Variants in ZNF236 observed in about 807,000 individuals in gnomAD.
The protein encoded by ZNF236 is regulated by glucose.
In ZNF236, 50 loss-of-function variants were observed where a neutral mutation model predicts 191.2. The ratio of observed to expected loss-of-function variants is 0.26; its 90% CI spans 0.21 to 0.33. ZNF236 has a LOEUF of 0.33. Ranked by LOEUF, ZNF236 falls within the 10% of genes least tolerant of loss-of-function variation. The pLI, the probability that ZNF236 is intolerant of heterozygous loss-of-function variation, is 1.00. For synonymous variants in ZNF236, 907 were observed against 928.8 expected, an observed-to-expected ratio of 0.98 and a Z score of 0.43; for missense variants, 1,754 against 2,374.5, an observed-to-expected ratio of 0.74 and a Z score of 5.43.
chr18:76,908,626 C>G (rs757283550), intron 14 of ZNF236, 53 bp downstream of exon 14: 31 of 1,553,980 alleles, frequency 2.0e-5, no homozygotes, highest in Non-Finnish European at 2.5e-5. Flanking sequence ...GTTTTGCAGC[C>G]TTTCCCACTC....
chr18:76,927,280 G>A lies in ZNF236; in HGVS notation c.4177G>A (p.Asp1393Asn). 6.2e-7 allele frequency: 1 copy of A among 1,614,094 alleles called. No homozygotes were observed. The change falls in exon 24 of 31, where the codon GAT becomes AAT. Residue 1393 changes from aspartate to asparagine, a missense_variant. Around this residue, in one of 5 missense-constraint regions of ZNF236, gnomAD observed 606 missense variants for 761.5 expected, o/e 0.80. Transcript: ENST00000320610. This position sits in a 1 kb window ranked among gnomAD's most constrained non-coding sequence, Gnocchi z 5.4. ...AAGTACCTGTGCTGCTTTTCAGATTGATCCAAGCATTCTGCAGCAGACGCT... is the reference window on the plus strand; with the variant it reads ...AAGTACCTGTGCTGCTTTTCAGATTAATCCAAGCATTCTGCAGCAGACGCT... The part of the protein sequence containing the change: ...ASINNITLQI[D>N]PSILQQTLQQ...
chr18:76,912,419 G>C, intron 17 of ZNF236, 72 bp downstream of exon 17: 1 of 1,013,676 alleles, frequency 9.9e-7, no homozygotes, highest in Non-Finnish European at 1.5e-6. Context: ...TGTTTGCCCC[G>C]CTCCAAGGGC....
chr18:76,865,034 C>T (rs143934883), intron 3 of ZNF236, among the ~76,000 whole-genome samples: 84 of 152,180 alleles, frequency 5.5e-4, no homozygotes, highest in African/African-American at 1.5e-3. Context: ...AATGTAAGTA[C>T]GTGAATTAAA....
At chr18:76,920,409 G>A (rs1967501813) in intron 20 of ZNF236, among the ~76,000 whole-genome samples, 2 of 151,870 alleles carry the variant, frequency 1.3e-5, no homozygotes, top group African/African-American at 2.4e-5. Flanking sequence ...AAATTAGGTG[G>A]GTGTAGTGGT....
chr18:76,864,656 C>T (rs1157342021), intron 3 of ZNF236, among the ~76,000 whole-genome samples: 1 of 148,704 alleles, frequency 6.7e-6, no homozygotes, highest in Non-Finnish European at 1.5e-5. Flanking sequence ...AGTTGATGGT[C>T]GAAGCAGAAA....
At position 76,971,170 on chromosome 18, in the gene ZNF236, A is replaced by G. The variant is rs1292718488; in HGVS notation, c.*2831A>G. ...ACTGAGGAAGCAGGAGGCATGTAGC[A>G]TGTGTGGAGTCCCACCTGCTAGATA... On this transcript the variant is annotated 3_prime_UTR_variant, in exon 31 of 31. Transcript: ENST00000320610. 6.6e-6 allele frequency among the ~76,000 whole-genome samples: 1 copy of G among 152,272 alleles called. No homozygotes were observed. The highest frequency in any genetic ancestry group is 1.5e-5 in the Non-Finnish European group (1 of 68,046).
Position 76,878,080 on chromosome 18 carries a change from G to T in ZNF236, c.912G>T (p.Thr304=). 6.2e-7 allele frequency: 1 copy of T among 1,613,024 alleles called. No individual in the cohort carries two copies. The change falls in exon 7 of 31, where the codon ACG becomes ACT. Residue 304 remains threonine (T), a synonymous_variant. Coordinates refer to ENST00000320610, the MANE Select transcript of ZNF236 (RefSeq NM_001306089.2). ...CVFKSLGSLN[T]HISKMHMGGP... ...TTAAAAGTTTAGGCAGCTTAAACACGCATATCAGCAAGATGCATATGGGTG... is the reference window on the plus strand; with the variant it reads ...TTAAAAGTTTAGGCAGCTTAAACACTCATATCAGCAAGATGCATATGGGTG...
At chr18:76,827,372 G>A (rs2122371312) in intron 1 of ZNF236, among the ~76,000 whole-genome samples, 1 of 152,222 alleles carries the variant, frequency 6.6e-6, no homozygotes, top group African/African-American at 2.4e-5. Flanking sequence ...ATTTTTAGTA[G>A]AGATGGGGTT....
chr18:76,908,396 A>G lies in ZNF236; in HGVS notation c.2374A>G (p.Met792Val). The G allele has an allele frequency of 6.2e-7, 1 of 1,614,228 alleles. No individual in the cohort carries two copies. The highest frequency in any genetic ancestry group is 8.5e-7 in the Non-Finnish European group (1 of 1,180,044). The change falls in exon 14 of 31, where the codon ATG (methionine) becomes GTG (valine). Residue 792 changes from methionine (M) to valine (V), a missense_variant. Around this residue, in one of 5 missense-constraint regions of ZNF236, gnomAD observed 641 missense variants for 869.6 expected, o/e 0.74. Coordinates refer to ENST00000320610, the MANE Select transcript of ZNF236 (RefSeq NM_001306089.2). The stretch of plus-strand genomic sequence containing the variant: ...TGACAGCACTGTAGACCAGCAGAGC[A>G]TGCAGGCCTCCACTCAAATGCAGGT... Reference protein sequence around the residue: ...IDDSTVDQQSMQASTQMQVEI... With the variant: ...IDDSTVDQQSVQASTQMQVEI...
intron 26 of ZNF236, among the ~76,000 whole-genome samples, chr18:76,946,436 T>A (rs1239204121): frequency 6.6e-6 from 1 of 152,198 alleles, no homozygotes; most frequent in African/African-American, 2.4e-5. Context: ...TAATATAGCA[T>A]CCCCTCCTCA....
At chr18:76,857,505 C>T (rs550337135) in intron 3 of ZNF236, among the ~76,000 whole-genome samples, 3 of 152,332 alleles carry the variant, frequency 2.0e-5, no homozygotes, top group East Asian at 3.9e-4. Context: ...CAGTTAACCA[C>T]CCTCCTTCAG....
intron 1 of ZNF236, among the ~76,000 whole-genome samples, chr18:76,844,171 T>G (rs1599323000): frequency 6.9e-6 from 1 of 144,096 alleles, no homozygotes; most frequent in East Asian, 2.0e-4. Flanking sequence ...ACCTGGGAGG[T>G]GGAGGTTGCA....
In ZNF236 at chr18:76,851,825, G is replaced by T. The variant is rs749559739; in HGVS notation, c.249G>T (p.Leu83=). 6.2e-7 allele frequency: 1 copy of T among 1,613,882 alleles called. No homozygotes were observed. Among genetic ancestry groups the T allele is most frequent in the Non-Finnish European group, 8.5e-7 (1 of 1,179,972 alleles). The change falls in exon 3 of 31, where the codon CTG becomes CTT. Residue 83 remains leucine (L), a synonymous_variant. Coordinates refer to ENST00000320610, the MANE Select transcript of ZNF236 (RefSeq NM_001306089.2). ...AAACATTTAATGTTGAATTCAACCT[G>T]ACACTTCATAAATGCACCCACAGCG... is the stretch of plus-strand genomic sequence containing the variant. ...CPQTFNVEFN[L]TLHKCTHSGE...
At chr18:76,887,371 C>CTAAATAAATAAA (rs61702186) in intron 9 of ZNF236, 9 of 149,514 alleles carry the variant, frequency 6.0e-5, no homozygotes, top group South Asian at 2.2e-4. Flanking sequence ...GACTCCATGT[C>CTAAATAAATAAA]TAAATAAATA....
chr18:76,842,549 C>G (rs1031581496), intron 1 of ZNF236, among the ~76,000 whole-genome samples: 7 of 151,288 alleles, frequency 4.6e-5, no homozygotes, highest in African/African-American at 1.7e-4. Context: ...GTAGGGAGTT[C>G]GAGACCAGTG....
At chr18:76,962,604 G>A (rs983242677) in intron 30 of ZNF236, among the ~76,000 whole-genome samples, 1 of 152,108 alleles carries the variant, frequency 6.6e-6, no homozygotes, top group Non-Finnish European at 1.5e-5. Flanking sequence ...AATGATGTTG[G>A]TATTTTGATG....
At chr18:76,911,671 G>A (rs184591360) in intron 16 of ZNF236, among the ~76,000 whole-genome samples, 136 of 152,040 alleles carry the variant, frequency 8.9e-4, no homozygotes, top group African/African-American at 3.0e-3. Context: ...CCTTCTGAAG[G>A]TCAGTGGAGC....
chr18:76,900,457 T>C (rs1977557538), intron 11 of ZNF236, among the ~76,000 whole-genome samples: 1 of 152,216 alleles, frequency 6.6e-6, no homozygotes, highest in African/African-American at 2.4e-5. Flanking sequence ...AATTACATAC[T>C]TTTAAATATG....
At chr18:76,894,283 G>T (rs966727640) in intron 9 of ZNF236, among the ~76,000 whole-genome samples, 4 of 152,178 alleles carry the variant, frequency 2.6e-5, no homozygotes, top group African/African-American at 9.7e-5. Context: ...CCTGAGAGGG[G>T]TGAGGGAGAC....
Sources: gnomAD v4.1 joint callset for allele counts (sites outside exome capture counted in the v4.1 genomes callset) on GRCh38, gnomAD v4.1.1 for gene constraint, gnomAD v4.1.1 regional missense constraint, Gnocchi (gnomAD v3.1) non-coding constraint, MANE v1.5 for transcripts, NCBI Gene and HGNC (gene_info 2026-07-23, HGNC 2026-07-21) for gene names.